CCDC73: variants seen among roughly 807,000 people sequenced by gnomAD.
CCDC73 encodes the protein coiled-coil domain-containing protein 73.
A neutral mutation model predicts 116.5 loss-of-function variants in CCDC73; 95 were observed. The ratio of observed to expected loss-of-function variants is 0.82; its 90% CI spans 0.69 to 0.97. CCDC73 has a LOEUF of 0.97. CCDC73 is among the 50% of genes least tolerant of loss of function. The probability of loss-of-function intolerance (pLI) is 0.00; values close to 1 mark genes in which losing one functional copy is unlikely to be tolerated. For synonymous variants in CCDC73, 398 were observed against 401.3 expected (o/e 0.99, Z 0.10); for missense variants, 1,066 against 1,206.8 (o/e 0.88, Z 1.73).
intron 2 of CCDC73, among the ~76,000 whole-genome samples, chr11:32,742,250 G>A (rs1251444826): frequency 6.6e-6 from 1 of 152,136 alleles, no homozygotes; most frequent in Non-Finnish European, 1.5e-5. Flanking sequence ...TTCCACAATG[G>A]TTGAACTAAT....
chr11:32,749,902 G>T, intron 2 of CCDC73, among the ~76,000 whole-genome samples: 1 of 142,896 alleles, frequency 7.0e-6, no homozygotes, highest in Non-Finnish European at 1.5e-5. Context: ...ACGGAGTCTT[G>T]CTCTGTCGCC....
rs1335262288 is a variant in CCDC73 at position 32,614,087 on chromosome 11, C to T, written c.2231G>A (p.Gly744Glu). 2 of 1,613,288 alleles carry T rather than the reference C, an allele frequency of 1.2e-6. No homozygotes were observed. Among genetic ancestry groups the T allele is most frequent in the Non-Finnish European group, 1.7e-6 (2 of 1,179,902 alleles). ...SMLVKPNSSP[G>E]GKTMCKNMSD... ...CATATTTTTACACATAGTTTTTCCC[C>T]CAGGGCTTGAGTTAGGTTTCACCAA... The change falls in exon 16 of 18, where the codon GGG (glycine) becomes GAG (glutamate). Residue 744 changes from glycine to glutamate, a missense_variant. Physicochemically the swap from Gly to Glu is moderately conservative, Grantham distance 98. Transcript: ENST00000335185.
chr11:32,690,223 TAAGAA>T (rs1276436793), intron 6 of CCDC73, among the ~76,000 whole-genome samples: 5 of 152,094 alleles, frequency 3.3e-5, no homozygotes, highest in East Asian at 3.8e-4. Flanking sequence ...TCTTAAATTA[TAAGAA>T]AAGAAAACAC....
At chr11:32,701,563 A>G (rs537696950) in intron 4 of CCDC73, among the ~76,000 whole-genome samples, 9 of 152,112 alleles carry the variant, frequency 5.9e-5, no homozygotes, top group African/African-American at 1.7e-4. Flanking sequence ...AAATTTTTTT[A>G]AGCACCTGTA....
At chr11:32,784,893 G>A (rs1850613634) in intron 1 of CCDC73, among the ~76,000 whole-genome samples, 1 of 152,162 alleles carries the variant, frequency 6.6e-6, no homozygotes, top group Non-Finnish European at 1.5e-5. Flanking sequence ...AACAGAACAG[G>A]CTGGGCACGG....
chr11:32,732,185 G>T (rs1439936390), intron 2 of CCDC73, among the ~76,000 whole-genome samples: 1 of 152,142 alleles, frequency 6.6e-6, no homozygotes, highest in Non-Finnish European at 1.5e-5. Flanking sequence ...AAGATCAAAT[G>T]AATGAAATGA....
intron 6 of CCDC73, among the ~76,000 whole-genome samples, chr11:32,683,825 C>T (rs1358350438): frequency 6.6e-6 from 1 of 152,048 alleles, no homozygotes; most frequent in East Asian, 1.9e-4. Flanking sequence ...GATAGACTGA[C>T]AAATATAAGT....
chr11:32,651,524 C>T (rs920552447), intron 12 of CCDC73, among the ~76,000 whole-genome samples: 35 of 152,132 alleles, frequency 2.3e-4, no homozygotes, highest in South Asian at 6.2e-4. Context: ...CAAAGCAGGA[C>T]GTAGGTCCCC....
intron 2 of CCDC73, among the ~76,000 whole-genome samples, chr11:32,733,712 T>C (rs997014280): frequency 3.3e-5 from 5 of 152,172 alleles, no homozygotes; most frequent in Non-Finnish European, 5.9e-5. Flanking sequence ...AGATGTTCTT[T>C]GAAACCAACG....
intron 14 of CCDC73, among the ~76,000 whole-genome samples, chr11:32,631,228 C>A (rs1240870806): frequency 6.6e-6 from 1 of 152,092 alleles, no homozygotes; most frequent in Non-Finnish European, 1.5e-5. Context: ...ACAATACCAA[C>A]CAACTTTATC....
At chr11:32,729,663 T>C (rs1404917735) in intron 2 of CCDC73, among the ~76,000 whole-genome samples, 1 of 152,204 alleles carries the variant, frequency 6.6e-6, no homozygotes, top group East Asian at 1.9e-4. Flanking sequence ...AGCATTCCTT[T>C]TTCTCTGCAT....
chr11:32,755,853 G>GTGTGTATATATCTCCATATATATATC (rs1438195282), intron 2 of CCDC73, among the ~76,000 whole-genome samples: 1 of 128,918 alleles, frequency 7.8e-6, no homozygotes, highest in Non-Finnish European at 1.6e-5. Context: ...ATATATATGT[G>GTGTGTATATATCTCCATATATATATC]TGTGTATATA....
chr11:32,614,350 A>G lies in CCDC73; in HGVS notation c.1968T>C (p.Asp656=). 6.2e-7 allele frequency: 1 copy of G among 1,611,780 alleles called. No homozygotes were observed. ...TTTGTTTTATTTTACATTGTTTATC[A>G]TCTAACATAACATTACTTGAATTCC... ...SLRNSSNVML[D]DKQCKIKQIQ... Residue 656 remains aspartate (D), a synonymous_variant, in exon 16 of 18, where the codon GAT becomes GAC. Transcript: ENST00000335185.
chr11:32,772,208 C>T (rs557081153), intron 1 of CCDC73, among the ~76,000 whole-genome samples: 3 of 152,264 alleles, frequency 2.0e-5, no homozygotes, highest in African/African-American at 7.2e-5. Flanking sequence ...TTTTATTCTG[C>T]TCTCTACATT....
At chr11:32,745,217 G>A (rs146722702) in intron 2 of CCDC73, among the ~76,000 whole-genome samples, 5,443 of 152,212 alleles carry the variant, frequency 0.036, 118 homozygotes, top group Non-Finnish European at 0.052. Flanking sequence ...GAGCAGTTTT[G>A]AGTGAGTTTC....
chr11:32,624,058 C>T (rs1219833648), intron 14 of CCDC73, among the ~76,000 whole-genome samples: 4 of 151,878 alleles, frequency 2.6e-5, no homozygotes, highest in South Asian at 4.2e-4. Context: ...GTGAGAGGGC[C>T]GGGCGCAGTG....
At chr11:32,623,917 A>G (rs1203047368) in intron 14 of CCDC73, among the ~76,000 whole-genome samples, 1 of 152,150 alleles carries the variant, frequency 6.6e-6, no homozygotes, top group Non-Finnish European at 1.5e-5. Flanking sequence ...TAATAAAACA[A>G]AAATGCAAAG....
intron 17 of CCDC73, among the ~76,000 whole-genome samples, chr11:32,607,282 C>T (rs1462534407): frequency 4.0e-5 from 6 of 149,692 alleles, no homozygotes; most frequent in East Asian, 3.9e-4. Context: ...TTAGTAGAGA[C>T]GGGGTTTCAC....
chr11:32,637,366 A>C (rs1278947535), intron 13 of CCDC73, among the ~76,000 whole-genome samples: 5 of 151,792 alleles, frequency 3.3e-5, no homozygotes, highest in Admixed American at 3.3e-4. Flanking sequence ...CTAACCTCCC[A>C]TCACTCCTTA....
Sources: allele counts gnomAD v4.1 joint callset (sites outside exome capture counted in the v4.1 genomes callset), GRCh38; gene constraint gnomAD v4.1.1; transcripts MANE v1.5; gene names NCBI Gene and HGNC (gene_info 2026-07-23, HGNC 2026-07-21).